TTLL11: variants seen among roughly 807,000 people sequenced by gnomAD.
TTLL11 encodes tubulin tyrosine ligase like 11.
A neutral mutation model predicts 51.7 loss-of-function variants in TTLL11; 42 were observed. The observed-to-expected ratio is 0.81, with a 90% confidence interval of 0.64 to 1.05. The LOEUF is 1.05. Among genes scored for constraint, TTLL11 ranks in the 50% least tolerant of loss-of-function variants. TTLL11 has a pLI of 0.00. For synonymous variants in TTLL11, 381 were observed against 383.5 expected, an observed-to-expected ratio of 0.99 and a Z score of 0.08; for missense variants, 799 against 940.4, an observed-to-expected ratio of 0.85 and a Z score of 1.97.
rs747853041 is a variant in TTLL11, at chr9:121,870,593, A to C, written c.1637T>G (p.Leu546Arg). The C allele has an allele frequency of 6.4e-7, 1 of 1,551,754 alleles. No individual in the cohort carries two copies. The highest frequency in any genetic ancestry group is 8.7e-7 in the Non-Finnish European group (1 of 1,147,008). Residue 546 changes from leucine (L) to arginine (R), a missense_variant, in exon 7 of 9, where the codon CTG becomes CGG. By Grantham distance (102) the Leu-to-Arg change is moderately radical (BLOSUM62 -2). Transcript: ENST00000321582. ...ATTTGCCATCCTGTCCACCAGGCGC[A>C]GGTAGTTGAACTGTTTTGCGTACTT... Reference protein sequence around the residue: ...FPKYAKQFNYLRLVDRMANLF... With the variant: ...FPKYAKQFNYRRLVDRMANLF...
chr9:122,000,471 CAAAAAAAAAAAAAAA>C (rs57775265), intron 3 of TTLL11, among the ~76,000 whole-genome samples: 1 of 22,814 alleles, frequency 4.4e-5, no homozygotes, highest in Non-Finnish European at 9.1e-5. Flanking sequence ...GACTCCGTCG[CAAAAAAAAAAAAAAA>C]AAAAAAAAAA....
At chr9:121,826,531 G>A (rs1233758868) in intron 8 of TTLL11, among the ~76,000 whole-genome samples, 10 of 39,732 alleles carry the variant, frequency 2.5e-4, no homozygotes, top group South Asian at 7.6e-4. Flanking sequence ...ATATATATGT[G>A]TGTGTGTATA....
chr9:121,926,220 C>A lies in TTLL11; in HGVS notation c.1481+47789G>T, dbSNP rs1306175900. Among the ~76,000 whole-genome samples the A allele has an allele frequency of 2.0e-5, 3 of 152,144 alleles. No homozygotes were observed. In the East Asian group the frequency reaches 5.8e-4, roughly 29 times the overall value. ...AGGGGCCCGGGGCTGGGGTGCACAG[C>A]CAGAACTGGCCCTGGGGGACCCTGC... On this transcript the variant is annotated intron_variant, in intron 6 of 8. Coordinates refer to ENST00000321582, the MANE Select transcript of TTLL11 (RefSeq NM_001139442.2).
In TTLL11 at chr9:121,911,968, G is replaced by A. The variant is rs985490089; in HGVS notation, c.1482-41220C>T. 6.8e-4 allele frequency among the ~76,000 whole-genome samples: 104 copies of A among 152,272 alleles called. 1 individual carries two copies. The highest frequency in any genetic ancestry group is 1.0e-3 in the South Asian group (5 of 4,810). ...TAAAAAAAAGAATAACCCTTTGAGG[G>A]AAGCAGCATACAGGTGATCACCCCA... On this transcript the variant is annotated intron_variant, in intron 6 of 8. Transcript: ENST00000321582.
At chr9:121,988,981 G>A in intron 4 of TTLL11, 1 of 1,132,376 alleles carries the variant, frequency 8.8e-7, no homozygotes, top group South Asian at 1.9e-5. Flanking sequence ...CATTTTACAG[G>A]TAACAGAGGG....
chr9:122,064,370 G>A (rs1333520209), intron 1 of TTLL11, among the ~76,000 whole-genome samples: 1 of 152,160 alleles, frequency 6.6e-6, no homozygotes, highest in East Asian at 1.9e-4. Context: ...AGGATAGCGG[G>A]TCAAGCAAAG....
chr9:122,070,324 CG>C (rs1400931251), intron 1 of TTLL11, among the ~76,000 whole-genome samples: 1 of 152,128 alleles, frequency 6.6e-6, no homozygotes, highest in Non-Finnish European at 1.5e-5. Context: ...ACAACTACCT[CG>C]GGCTGTTAGG....
chr9:122,075,207 T>C lies in TTLL11; in HGVS notation c.462+17480A>G, dbSNP rs114536041. 9.2e-3 allele frequency among the ~76,000 whole-genome samples: 1,403 copies of C among 152,358 alleles called. 24 individuals carry two copies. The highest frequency in any genetic ancestry group is 0.033 in the African/African-American group (1,353 of 41,588). On this transcript the variant is annotated intron_variant, in intron 1 of 8. Coordinates refer to ENST00000321582, the MANE Select transcript of TTLL11 (RefSeq NM_001139442.2). ...GTAAGTACTATATTGATGAATTTAA[T>C]ATTCTTTCCTTGAGGAATGGGTCCC...
intron 2 of TTLL11, among the ~76,000 whole-genome samples, chr9:122,035,178 C>T (rs1564368753): frequency 1.3e-5 from 2 of 152,190 alleles, no homozygotes; most frequent in South Asian, 4.1e-4. Context: ...CCTGCAAGGG[C>T]TGGAATCCTC....
intron 6 of TTLL11, among the ~76,000 whole-genome samples, chr9:121,902,699 G>A (rs1320878735): frequency 2.0e-5 from 3 of 151,568 alleles, no homozygotes; most frequent in African/African-American, 4.8e-5. Context: ...CTCCATTTAT[G>A]TGTTTTTAGT....
chr9:122,019,681 A>C (rs1377727239), intron 3 of TTLL11, among the ~76,000 whole-genome samples: 20 of 152,072 alleles, frequency 1.3e-4, no homozygotes, highest in Admixed American at 9.2e-4. Context: ...GAACTCCTGG[A>C]CTCAAGCAAT....
At chr9:122,046,057 A>T (rs994200822) in intron 1 of TTLL11, among the ~76,000 whole-genome samples, 1 of 152,212 alleles carries the variant, frequency 6.6e-6, no homozygotes, top group African/African-American at 2.4e-5. Flanking sequence ...ATTTTATATC[A>T]TGTATGTTTT....
At chr9:122,009,480 T>C (rs1297308668) in intron 3 of TTLL11, among the ~76,000 whole-genome samples, 1 of 151,810 alleles carries the variant, frequency 6.6e-6, no homozygotes, top group Non-Finnish European at 1.5e-5. Context: ...TGCATAAATA[T>C]TTACCTGTAC....
intron 1 of TTLL11, among the ~76,000 whole-genome samples, chr9:122,072,908 G>T (rs1361546246): frequency 6.6e-6 from 1 of 152,196 alleles, no homozygotes; most frequent in East Asian, 1.9e-4. Flanking sequence ...GACACACAGG[G>T]TGTCATTTCT....
rs1043951012 is a variant in TTLL11, at chr9:121,819,637, C to T, written c.*2950G>A. Among the ~76,000 whole-genome samples, 1 of 152,056 alleles carries T rather than the reference C, an allele frequency of 6.6e-6. No homozygotes were observed. Among genetic ancestry groups the T allele is most frequent in the Non-Finnish European group, 1.5e-5 (1 of 68,020 alleles). On this transcript the variant is annotated 3_prime_UTR_variant, in exon 9 of 9. Coordinates refer to ENST00000321582, the MANE Select transcript of TTLL11 (RefSeq NM_001139442.2). ...GGGCAAGAGAGCGGGAGGGAGAAGA[C>T]GCTGGAGATGGATCCTGAGGGCGCT... is the stretch of plus-strand genomic sequence containing the variant.
At chr9:122,053,832 G>T (rs988071226) in intron 1 of TTLL11, among the ~76,000 whole-genome samples, 2 of 152,056 alleles carry the variant, frequency 1.3e-5, no homozygotes, top group African/African-American at 4.8e-5. Flanking sequence ...GTTCCTAGTC[G>T]TTTGGGAATC....
rs200963491 is a variant in TTLL11, at chr9:122,052,505, C to T, written c.463-13137G>A. Among the ~76,000 whole-genome samples, 7 of 152,304 alleles carry T rather than the reference C, an allele frequency of 4.6e-5. No individual in the cohort carries two copies. In the East Asian group the frequency reaches 1.3e-3, roughly 29 times the overall value. On this transcript the variant is annotated intron_variant, in intron 1 of 8. Transcript: ENST00000321582. Reference sequence around the variant, plus strand: ...AATAGTATGTTTGGACCACCTAGCACGGGGCCTGGCACACAATGCTTGATG... The same window carrying T: ...AATAGTATGTTTGGACCACCTAGCATGGGGCCTGGCACACAATGCTTGATG...
intron 1 of TTLL11, among the ~76,000 whole-genome samples, chr9:122,068,021 G>T (rs907049855): frequency 1.3e-5 from 2 of 152,112 alleles, no homozygotes; most frequent in African/African-American, 4.8e-5. Flanking sequence ...TATATACAAG[G>T]ATATGGTCAT....
chr9:121,966,355 G>T (rs1446468033), intron 6 of TTLL11, among the ~76,000 whole-genome samples: 1 of 152,158 alleles, frequency 6.6e-6, no homozygotes, highest in Admixed American at 6.5e-5. Context: ...CTCCAAGCCT[G>T]TCTCTGTCTT....
Sources: gnomAD v4.1 joint callset for allele counts (sites outside exome capture counted in the v4.1 genomes callset) on GRCh38, gnomAD v4.1.1 for gene constraint, MANE v1.5 for transcripts, NCBI Gene and HGNC (gene_info 2026-07-23, HGNC 2026-07-21) for gene names.